ASCC3: variants seen among roughly 807,000 people sequenced by gnomAD.
The protein encoded by ASCC3 is ASC-1 complex subunit P200.
Under a neutral mutation model 256.3 loss-of-function variants are expected in ASCC3, and 158 were observed. The ratio of observed to expected loss-of-function variants is 0.62; its 90% CI spans 0.54 to 0.70. The LOEUF is 0.70. Among genes scored for constraint, ASCC3 ranks in the 30% least tolerant of loss-of-function variants. The probability of loss-of-function intolerance (pLI) is 0.00; values close to 1 mark genes in which losing one functional copy is unlikely to be tolerated. For missense variants in ASCC3, 2,259 were observed against 2,626.0 expected (o/e 0.86, Z 3.05); for synonymous variants, 948 against 883.4 (o/e 1.07, Z -1.30).
chr6:100,837,883 A>AT (rs899094862), intron 4 of ASCC3, among the ~76,000 whole-genome samples: 1 of 152,086 alleles, frequency 6.6e-6, no homozygotes, highest in Non-Finnish European at 1.5e-5. Flanking sequence ...GGAAAAGAGG[A>AT]TTTTTAATGT....
chr6:100,603,686 A>G (rs1001566958), intron 33 of ASCC3, among the ~76,000 whole-genome samples: 5 of 151,996 alleles, frequency 3.3e-5, no homozygotes, highest in Non-Finnish European at 5.9e-5. Flanking sequence ...TTTTTTTTAC[A>G]TCTATGAAAT....
rs561879122 is a variant in ASCC3, at chr6:100,842,579, C to T, written c.801+5569G>A. On this transcript the variant is annotated intron_variant, in intron 4 of 41. Transcript: ENST00000369162. Reference sequence around the variant, plus strand: ...TGATTTATAAAAATATGATATAATGCCACTCTTCATACTTTTTTTCTGATT... The same window carrying T: ...TGATTTATAAAAATATGATATAATGTCACTCTTCATACTTTTTTTCTGATT... Among the ~76,000 whole-genome samples, 5 of 152,000 alleles carry T rather than the reference C, an allele frequency of 3.3e-5. No homozygotes were observed. The South Asian group carries it at 8.3e-4, about 25-fold the overall frequency.
chr6:100,609,341 GT>G (rs1773272490), intron 30 of ASCC3, among the ~76,000 whole-genome samples: 1 of 151,750 alleles, frequency 6.6e-6, no homozygotes, highest in African/African-American at 2.4e-5. Flanking sequence ...AGCAATATAG[GT>G]TAAATACTTC....
At chr6:100,878,946 C>T (rs993022426) in intron 1 of ASCC3, among the ~76,000 whole-genome samples, 1 of 152,174 alleles carries the variant, frequency 6.6e-6, no homozygotes, top group Non-Finnish European at 1.5e-5. Flanking sequence ...GGCCCAATCC[C>T]ACAAGACTGC....
At chr6:100,880,211 G>T (rs1769226231) in intron 1 of ASCC3, among the ~76,000 whole-genome samples, 1 of 151,770 alleles carries the variant, frequency 6.6e-6, no homozygotes, top group Non-Finnish European at 1.5e-5. Context: ...TTAAAAAAAA[G>T]AGACAACATA....
intron 8 of ASCC3, among the ~76,000 whole-genome samples, chr6:100,796,730 C>T (rs1273570798): frequency 6.6e-6 from 1 of 152,142 alleles, no homozygotes; most frequent in Non-Finnish European, 1.5e-5. Context: ...TTTCAGCCTC[C>T]AGAGCTGTGA....
chr6:100,841,776 C>T (rs1772155631), intron 4 of ASCC3, among the ~76,000 whole-genome samples: 1 of 151,892 alleles, frequency 6.6e-6, no homozygotes, highest in African/African-American at 2.4e-5. Context: ...ACTTTGTTGC[C>T]CCATTGCACA....
intron 8 of ASCC3, among the ~76,000 whole-genome samples, chr6:100,767,551 C>T (rs989531949): frequency 6.6e-6 from 1 of 152,084 alleles, no homozygotes; most frequent in African/African-American, 2.4e-5. Context: ...GAAATGGCAA[C>T]TCGATAAATT....
chr6:100,730,423 C>T (rs1458583851), intron 10 of ASCC3, among the ~76,000 whole-genome samples: 1 of 150,374 alleles, frequency 6.7e-6, no homozygotes, highest in Non-Finnish European at 1.5e-5. Context: ...ATTAACTAAG[C>T]TAAAGAGCAA....
At chr6:100,770,526 T>C (rs1781867323) in intron 8 of ASCC3, among the ~76,000 whole-genome samples, 1 of 151,624 alleles carries the variant, frequency 6.6e-6, no homozygotes, top group Admixed American at 6.6e-5. Flanking sequence ...ATAAAGTCAT[T>C]AATATAAAAA....
chr6:100,707,830 T>C (rs1056226818), intron 13 of ASCC3, among the ~76,000 whole-genome samples: 2 of 152,114 alleles, frequency 1.3e-5, no homozygotes, highest in African/African-American at 2.4e-5. Flanking sequence ...TATTTCACTG[T>C]AGAAAAATTG....
chr6:100,593,733 A>G (rs1465720644), intron 34 of ASCC3, among the ~76,000 whole-genome samples: 1 of 152,246 alleles, frequency 6.6e-6, no homozygotes, highest in Non-Finnish European at 1.5e-5. Context: ...ATTATGCAGC[A>G]ATAACAATGA....
At position 100,589,970 on chromosome 6, in the gene ASCC3, G is replaced by T; in HGVS notation, c.5393C>A (p.Ser1798Tyr). 6.2e-7 allele frequency: 1 copy of T among 1,613,152 alleles called. No individual in the cohort carries two copies. The highest frequency in any genetic ancestry group is 8.5e-7 in the Non-Finnish European group (1 of 1,179,302). ...TACCTCTCCAATTTCAATACAGTAG[G>T]AAAGTTCCAATTCAATCAGGGACTT... ...IEKSLIELEL[S>Y]YCIEIGEDNR... The change falls in exon 35 of 42, where the codon TCC (serine) becomes TAC (tyrosine). Residue 1798 changes from serine (S) to tyrosine (Y), a missense_variant. Coordinates refer to ENST00000369162, the MANE Select transcript of ASCC3 (RefSeq NM_006828.4).
intron 30 of ASCC3, among the ~76,000 whole-genome samples, chr6:100,616,544 AACTCTTATCTCCCAT>A (rs1163198640): frequency 1.3e-5 from 2 of 152,176 alleles, no homozygotes; most frequent in Non-Finnish European, 2.9e-5. Context: ...TGTTCCAGGG[AACTCTTATCTCCCAT>A]ACCCTTCTAA....
chr6:100,548,417 G>A (rs1450239741), intron 36 of ASCC3, among the ~76,000 whole-genome samples: 1 of 151,854 alleles, frequency 6.6e-6, no homozygotes, highest in Non-Finnish European at 1.5e-5. Context: ...GGGCAATGAC[G>A]ATAGTATTAA....
At chr6:100,691,090 T>G (rs899319391) in intron 13 of ASCC3, among the ~76,000 whole-genome samples, 1 of 152,074 alleles carries the variant, frequency 6.6e-6, no homozygotes, top group African/African-American at 2.4e-5. Flanking sequence ...TTAAAAAGTA[T>G]AATTTAAAAA....
At chr6:100,811,549 T>C (rs996327567) in intron 4 of ASCC3, among the ~76,000 whole-genome samples, 5 of 152,058 alleles carry the variant, frequency 3.3e-5, no homozygotes, top group East Asian at 1.9e-4. Flanking sequence ...AAATTACAAA[T>C]AGTCCTTACA....
At chr6:100,630,261 T>A (rs1201146785) in intron 26 of ASCC3, among the ~76,000 whole-genome samples, 2 of 152,086 alleles carry the variant, frequency 1.3e-5, no homozygotes, top group East Asian at 3.8e-4. Flanking sequence ...CTAAGCATAA[T>A]GTTCACAAAG....
chr6:100,771,248 C>T (rs978432053), intron 8 of ASCC3, among the ~76,000 whole-genome samples: 1 of 152,056 alleles, frequency 6.6e-6, no homozygotes, highest in South Asian at 2.1e-4. Context: ...TGACTTGAAA[C>T]CATACCTTGT....
Sources: gnomAD v4.1 joint callset for allele counts (sites outside exome capture counted in the v4.1 genomes callset) on GRCh38, gnomAD v4.1.1 for gene constraint, MANE v1.5 for transcripts, NCBI Gene and HGNC (gene_info 2026-07-23, HGNC 2026-07-21) for gene names.